ZNF157: variants seen among roughly 807,000 people sequenced by gnomAD.
ZNF157 encodes zinc finger protein 157.
In ZNF157, 8 loss-of-function variants were observed where a neutral mutation model predicts 9.4. That is an observed-to-expected ratio of 0.85 (90% CI 0.50 to 1.53). The LOEUF (loss-of-function observed/expected upper bound fraction) is 1.53, where lower values mean the gene tolerates loss of function less well. Ranked by LOEUF, ZNF157 falls within the 40% of genes most tolerant of loss-of-function variation. The pLI is 0.00. For synonymous variants in ZNF157, 120 were observed against 130.8 expected (o/e 0.92, Z 0.56); for missense variants, 316 against 385.2 (o/e 0.82, Z 1.50).
At position 47,406,880 on chromosome X, in the gene ZNF157, G is replaced by T. The variant is rs763087905; in HGVS notation, c.73-3396G>T. On this transcript the variant is annotated intron_variant, in intron 1 of 3. Transcript: ENST00000377073. Reference sequence around the variant, plus strand: ...AAAGTAGGACTTTGAATAGGATTTTGATTTCGAATAGGATTCGTAAAAGTG... The same window carrying T: ...AAAGTAGGACTTTGAATAGGATTTTTATTTCGAATAGGATTCGTAAAAGTG... Among the ~76,000 whole-genome samples, 118 of 112,264 alleles carry T rather than the reference G, an allele frequency of 1.1e-3. 1 individual carries two copies. Among genetic ancestry groups the T allele is most frequent in the African/African-American group, 3.7e-3 (114 of 31,033 alleles).
At chrX:47,383,145 C>T (rs371980383) in intron 1 of ZNF157, among the ~76,000 whole-genome samples, 11 of 107,128 alleles carry the variant, frequency 1.0e-4, no homozygotes, top group African/African-American at 2.7e-4. Flanking sequence ...CCGAGGTGGG[C>T]GGATCACAAG....
chrX:47,401,172 A>G (rs2055929404), intron 1 of ZNF157, among the ~76,000 whole-genome samples: 3 of 112,080 alleles, frequency 2.7e-5, no homozygotes, highest in Admixed American at 9.6e-5. Flanking sequence ...ATCACCTAGG[A>G]CATTATGGGT....
At chrX:47,375,694 T>A (rs1463054791) in intron 1 of ZNF157, among the ~76,000 whole-genome samples, 1 of 88,755 alleles carries the variant, frequency 1.1e-5, no homozygotes. Context: ...TTTGTAGTTT[T>A]GCCTTTTTTT....
At chrX:47,389,449 A>G (rs2055890403) in intron 1 of ZNF157, among the ~76,000 whole-genome samples, 1 of 109,316 alleles carries the variant, frequency 9.1e-6, no homozygotes, top group Admixed American at 1.0e-4. Context: ...TCCCAAGCTC[A>G]AGCAGATCTT....
intron 1 of ZNF157, among the ~76,000 whole-genome samples, chrX:47,380,753 CTTTTTTATTATTATTTTTCT>C (rs2055859072): frequency 2.1e-5 from 2 of 96,546 alleles, no homozygotes; most frequent in Admixed American, 2.3e-4. Flanking sequence ...TATTATTTTT[CTTTTTTATTATTATTTTTCT>C]TTTTTTTTTA....
In ZNF157 at chrX:47,377,170, G is replaced by A. The variant is rs765400596; in HGVS notation, c.72+6430G>A. The stretch of plus-strand genomic sequence containing the variant: ...CAGGAAGACAGCTTCCATTCCCTAC[G>A]GATTCATCTTTGACCTGACCAATCA... On this transcript the variant is annotated intron_variant, in intron 1 of 3. Transcript: ENST00000377073. 8.3e-5 allele frequency among the ~76,000 whole-genome samples: 9 copies of A among 108,538 alleles called. No homozygotes were observed. In the South Asian group the frequency reaches 2.4e-3, roughly 30 times the overall value. 94.3% of individuals were successfully genotyped at this position (108,538 alleles called of 115,157 possible).
chrX:47,381,228 AGAGGAGCAGGAG>A (rs1169016762), intron 1 of ZNF157, among the ~76,000 whole-genome samples: 1 of 100,013 alleles, frequency 1.0e-5, no homozygotes, highest in Non-Finnish European at 2.0e-5. Flanking sequence ...AGCAGGAGGA[AGAGGAGCAGGAG>A]GAGGAGCAGG....
chrX:47,389,067 C>T (rs987480653), intron 1 of ZNF157, among the ~76,000 whole-genome samples: 5 of 111,329 alleles, frequency 4.5e-5, no homozygotes, highest in African/African-American at 1.6e-4. Flanking sequence ...CGCCCTTGGC[C>T]TCCCAAAGTG....
chrX:47,380,870 AAG>A (rs1292958915), intron 1 of ZNF157, among the ~76,000 whole-genome samples: 5 of 100,448 alleles, frequency 5.0e-5, no homozygotes, highest in Middle Eastern at 4.9e-3. Context: ...GAGGAGGAGA[AAG>A]AGAAGGAGGA....
chrX:47,398,449 C>A (rs191127240), intron 1 of ZNF157, among the ~76,000 whole-genome samples: 172 of 111,742 alleles, frequency 1.5e-3, no homozygotes, highest in African/African-American at 5.0e-3. Flanking sequence ...TGTTGCATAA[C>A]CCATGTATTC....
At chrX:47,389,651 A>G (rs2055891139) in intron 1 of ZNF157, among the ~76,000 whole-genome samples, 1 of 112,194 alleles carries the variant, frequency 8.9e-6, no homozygotes, top group Non-Finnish European at 1.9e-5. Flanking sequence ...CTGTAATCCC[A>G]GCACTTTGGG....
chrX:47,385,690 C>T (rs1275885538), intron 1 of ZNF157, among the ~76,000 whole-genome samples: 1 of 109,575 alleles, frequency 9.1e-6, no homozygotes, highest in Non-Finnish European at 1.9e-5. Context: ...GCTTCAGCCT[C>T]CTGAGTAGCT....
At chrX:47,384,251 T>C (rs776086811) in intron 1 of ZNF157, among the ~76,000 whole-genome samples, 3 of 111,335 alleles carry the variant, frequency 2.7e-5, no homozygotes, top group Admixed American at 9.7e-5. Flanking sequence ...AATAAATAAA[T>C]AAGTTTTTTT....
intron 1 of ZNF157, among the ~76,000 whole-genome samples, chrX:47,391,619 C>T (rs1381140793): frequency 1.8e-5 from 2 of 111,982 alleles, no homozygotes; most frequent in Non-Finnish European, 3.8e-5. Context: ...GGCACGATCT[C>T]GGCTCACTGC....
In ZNF157 at chrX:47,371,887, G is replaced by A. The variant is rs112341243; in HGVS notation, c.72+1147G>A. Among the ~76,000 whole-genome samples, 622 of 111,835 alleles carry A rather than the reference G, an allele frequency of 5.6e-3. 12 individuals carry two copies. The highest frequency in any genetic ancestry group is 0.018 in the African/African-American group (549 of 30,826). On this transcript the variant is annotated intron_variant, in intron 1 of 3. Coordinates refer to ENST00000377073, the MANE Select transcript of ZNF157 (RefSeq NM_003446.4). ...CTCCCAAAGTGCTGGGATTACAGGC[G>A]TAAGCCACCGTGCCCTGCCCATTCC...
At chrX:47,405,832 A>G (rs1366083377) in intron 1 of ZNF157, among the ~76,000 whole-genome samples, 1 of 110,682 alleles carries the variant, frequency 9.0e-6, no homozygotes, top group Non-Finnish European at 1.9e-5. Flanking sequence ...ACATATTTTT[A>G]GGTTTTTTTC....
At chrX:47,374,634 A>G (rs2055838252) in intron 1 of ZNF157, among the ~76,000 whole-genome samples, 1 of 105,936 alleles carries the variant, frequency 9.4e-6, no homozygotes. Flanking sequence ...TCCTGACCTC[A>G]GGTGATCCAC....
chrX:47,389,525 A>C (rs184628685), intron 1 of ZNF157, among the ~76,000 whole-genome samples: 2,686 of 110,915 alleles, frequency 0.024, 73 homozygotes, highest in African/African-American at 0.083. Context: ...TAATTTTTTA[A>C]TTTCTTGTAG....
intron 1 of ZNF157, among the ~76,000 whole-genome samples, chrX:47,383,554 A>T (rs1182785853): frequency 9.5e-6 from 1 of 105,263 alleles, no homozygotes; most frequent in Non-Finnish European, 1.9e-5. Context: ...AATAAATAAA[A>T]AAAATTAGCT....
Sources: allele counts gnomAD v4.1 joint callset (sites outside exome capture counted in the v4.1 genomes callset), GRCh38; gene constraint gnomAD v4.1.1; transcripts MANE v1.5; gene names NCBI Gene and HGNC (gene_info 2026-07-23, HGNC 2026-07-21).